The following SMG7 variants were observed in gnomAD, a reference collection of about 807,000 sequenced individuals.
SMG7 encodes the protein nonsense-mediated mRNA decay factor SMG7.
SMG7 carries 34 observed loss-of-function variants against 148.2 expected under a neutral mutation model. The ratio of observed to expected loss-of-function variants is 0.23; its 90% CI spans 0.17 to 0.31. SMG7 has a LOEUF of 0.31. Among genes scored for constraint, SMG7 ranks in the 10% least tolerant of loss-of-function variants. SMG7 has a pLI of 1.00. For synonymous variants in SMG7, 492 were observed against 515.1 expected (o/e 0.96, Z 0.61); for missense variants, 1,114 against 1,408.4 (o/e 0.79, Z 3.35).
At chr1:183,498,015 T>A (rs951464597) in intron 1 of SMG7, among the ~76,000 whole-genome samples, 4 of 152,192 alleles carry the variant, frequency 2.6e-5, no homozygotes, top group African/African-American at 9.6e-5. Context: ...CTTTTGAGTA[T>A]CTTTTGTTTT....
At position 183,527,760 on chromosome 1, in the gene SMG7, A is replaced by C; in HGVS notation, c.485-196A>C. 1.7e-6 allele frequency: 1 copy of C among 589,742 alleles called. No individual in the cohort carries two copies. Among genetic ancestry groups the C allele is most frequent in the Middle Eastern group, 2.7e-4 (1 of 3,722 alleles). The allele number at this position is 589,742 out of a possible 1,614,324, so 36.5% of individuals were successfully genotyped here. A position where few individuals can be genotyped will look rare whatever the true frequency, so the allele number is the denominator to read the frequency against. On this transcript the variant is annotated intron_variant, in intron 5 of 22. Transcript: ENST00000688051. The surrounding 1 kb of genome is among the most constrained non-coding windows in gnomAD (Gnocchi z 4.0). The stretch of plus-strand genomic sequence containing the variant: ...AGCTTTAAAATTGGTTACATGCTGA[A>C]TGTCCCAAATAAGGAAGGCTGATGG...
chr1:183,545,786 C>T (rs1669816995), intron 16 of SMG7, among the ~76,000 whole-genome samples, 180 bp from the exon 17 acceptor site: 1 of 152,130 alleles, frequency 6.6e-6, no homozygotes, highest in Non-Finnish European at 1.5e-5. Flanking sequence ...GTGTGGTGCC[C>T]ATAATCTGTT....
At chr1:183,519,649 A>G (rs926966526) in intron 4 of SMG7, among the ~76,000 whole-genome samples, 24 of 152,134 alleles carry the variant, frequency 1.6e-4, no homozygotes, top group Admixed American at 1.4e-3. Flanking sequence ...CAAAGTCCCA[A>G]AAAGTTCATT....
At chr1:183,483,691 G>GT (rs1376186690) in intron 1 of SMG7, among the ~76,000 whole-genome samples, 1 of 151,986 alleles carries the variant, frequency 6.6e-6, no homozygotes, top group Non-Finnish European at 1.5e-5. Flanking sequence ...CTCAATTTCT[G>GT]TTTAAGTAAC....
In SMG7 at chr1:183,472,587, G is replaced by T; in HGVS notation, c.-34G>T. The stretch of plus-strand genomic sequence containing the variant: ...CGAGGAGCCTGAGAGACCCACGGAG[G>T]CTTCGCGGGAAGACGCGGCGGCGGC... On this transcript the variant is annotated 5_prime_UTR_variant, in exon 1 of 23. Coordinates refer to ENST00000688051, the MANE Select transcript of SMG7 (RefSeq NM_001375584.1). 7.0e-7 allele frequency: 1 copy of T among 1,431,882 alleles called. No individual in the cohort carries two copies. The highest frequency in any genetic ancestry group is 9.2e-7 in the Non-Finnish European group (1 of 1,082,748). 88.7% of individuals were successfully genotyped at this position (1,431,882 alleles called of 1,614,324 possible).
intron 4 of SMG7, among the ~76,000 whole-genome samples, chr1:183,520,683 A>G (rs1473322528): frequency 1.3e-5 from 2 of 152,236 alleles, no homozygotes; most frequent in African/African-American, 2.4e-5. Flanking sequence ...GTCATCTTGA[A>G]AAATGATTCT....
chr1:183,526,318 T>A (rs1329941248), intron 4 of SMG7, among the ~76,000 whole-genome samples: 1 of 151,698 alleles, frequency 6.6e-6, no homozygotes, highest in Non-Finnish European at 1.5e-5. Context: ...CCGGCTGATT[T>A]TTTTTTTGTA....
intron 1 of SMG7, among the ~76,000 whole-genome samples, chr1:183,511,607 T>C (rs1450457529): frequency 6.6e-6 from 1 of 152,164 alleles, no homozygotes; most frequent in Non-Finnish European, 1.5e-5. Flanking sequence ...TCGAATGTTG[T>C]AGGACAGTTT....
At position 183,472,763 on chromosome 1, in the gene SMG7, C is replaced by T; in HGVS notation, c.29+114C>T. 3.0e-6 allele frequency: 3 copies of T among 997,186 alleles called. No homozygotes were observed. In the South Asian group the frequency reaches 6.7e-5, roughly 22 times the overall value. The allele number at this position is 997,186 out of a possible 1,614,324, so 61.8% of individuals were successfully genotyped here. A position where few individuals can be genotyped will look rare whatever the true frequency, so the allele number is the denominator to read the frequency against. On this transcript the variant is annotated intron_variant, in intron 1 of 22. Coordinates refer to ENST00000688051, the MANE Select transcript of SMG7 (RefSeq NM_001375584.1). ...CGGGGGAGTTGCTGCGTCCTCTCCT[C>T]GCCGGGCAGGTCGGCGGAGACTGCA... is the stretch of plus-strand genomic sequence containing the variant.
At chr1:183,529,577 G>A (rs775765881) in intron 8 of SMG7, 44 bp downstream of exon 8, 1 of 1,549,668 alleles carries the variant, frequency 6.5e-7, no homozygotes, top group Non-Finnish European at 8.8e-7. Flanking sequence ...TCTAAATCAG[G>A]AAGCATAACA....
chr1:183,492,007 G>A (rs1280916321), intron 1 of SMG7, among the ~76,000 whole-genome samples: 1 of 152,220 alleles, frequency 6.6e-6, no homozygotes, highest in Non-Finnish European at 1.5e-5. Context: ...CATGAAGGCA[G>A]AGTCCTCATA....
At chr1:183,551,552 C>T (rs1671055853) in intron 22 of SMG7, among the ~76,000 whole-genome samples, 2 of 152,270 alleles carry the variant, frequency 1.3e-5, no homozygotes, top group South Asian at 2.1e-4. Flanking sequence ...AGTAAATGCC[C>T]TGTGTGGTAC....
chr1:183,480,967 G>T (rs1653954289), intron 1 of SMG7, among the ~76,000 whole-genome samples: 1 of 152,140 alleles, frequency 6.6e-6, no homozygotes, highest in African/African-American at 2.4e-5. Flanking sequence ...ATTGCTGTCA[G>T]TGTTAACAAA....
chr1:183,515,146 A>G (rs1250464553), intron 2 of SMG7, among the ~76,000 whole-genome samples: 4 of 152,190 alleles, frequency 2.6e-5, no homozygotes, highest in Non-Finnish European at 5.9e-5. Flanking sequence ...ATGTGTAGTC[A>G]TAGCCTGACT....
intron 4 of SMG7, among the ~76,000 whole-genome samples, chr1:183,523,734 C>T (rs920852519): frequency 6.6e-6 from 1 of 152,092 alleles, no homozygotes; most frequent in Non-Finnish European, 1.5e-5. Flanking sequence ...AACTCTTGGG[C>T]TCAGGCAGAA....
At chr1:183,484,989 CTGTT>C (rs746989735) in intron 1 of SMG7, among the ~76,000 whole-genome samples, 21 of 152,168 alleles carry the variant, frequency 1.4e-4, no homozygotes, top group East Asian at 3.9e-4. Context: ...CACAGAGAGG[CTGTT>C]TGTTTGTTCT....
At chr1:183,488,238 T>G (rs1205575780) in intron 1 of SMG7, among the ~76,000 whole-genome samples, 2 of 152,222 alleles carry the variant, frequency 1.3e-5, no homozygotes, top group Non-Finnish European at 2.9e-5. Context: ...TTTTGAGGTT[T>G]TTCTCTTTCA....
chr1:183,473,009 G>A, intron 1 of SMG7: 1 of 310,990 alleles, frequency 3.2e-6, no homozygotes, highest in Non-Finnish European at 5.9e-6. Context: ...GGAGGAGTCT[G>A]ATCCCCGTGG....
intron 1 of SMG7, among the ~76,000 whole-genome samples, chr1:183,494,434 T>C (rs981510149): frequency 6.6e-6 from 1 of 151,254 alleles, no homozygotes; most frequent in South Asian, 2.1e-4. Context: ...AAAAAAGTTA[T>C]TTTATATTTA....
Sources: gnomAD v4.1 joint callset for allele counts (sites outside exome capture counted in the v4.1 genomes callset) on GRCh38, gnomAD v4.1.1 for gene constraint, Gnocchi (gnomAD v3.1) non-coding constraint, MANE v1.5 for transcripts, NCBI Gene and HGNC (gene_info 2026-07-23, HGNC 2026-07-21) for gene names.